GCH1: variants seen among roughly 807,000 people sequenced by gnomAD.
The protein encoded by GCH1 is GTP cyclohydrolase 1, also known as GTP cyclohydrolase I.
In GCH1, 5 loss-of-function variants were observed where a neutral mutation model predicts 25.9. The observed-to-expected ratio is 0.19, with a 90% CI of 0.10 to 0.41. The LOEUF (loss-of-function observed/expected upper bound fraction) is 0.41, where lower values mean the gene tolerates loss of function less well. Ranked by LOEUF, GCH1 falls within the 10% of genes least tolerant of loss-of-function variation. The pLI is 1.00. For missense variants in GCH1, 261 were observed against 336.5 expected (o/e 0.78, Z 1.75); for synonymous variants, 159 against 129.6 (o/e 1.23, Z -1.54).
In GCH1 at chr14:54,902,693, A is replaced by G; in HGVS notation, c.-30T>C. 1 of 1,431,868 alleles carries G rather than the reference A, an allele frequency of 7.0e-7. No homozygotes were observed. Among genetic ancestry groups the G allele is most frequent in the South Asian group, 1.4e-5 (1 of 70,064 alleles). 88.7% of individuals were successfully genotyped at this position (1,431,868 alleles called of 1,614,324 possible). A position where few individuals can be genotyped will look rare whatever the true frequency, so the allele number is the denominator to read the frequency against. ...CCGCCGCAGCCGCTGCCGTTCGGGA[A>G]GGACCCCGGGGCGCTTCGAGGTCTG... is the stretch of plus-strand genomic sequence containing the variant. On this transcript the variant is annotated 5_prime_UTR_variant, in exon 1 of 6. Coordinates refer to ENST00000491895, the MANE Select transcript of GCH1 (RefSeq NM_000161.3).
chr14:54,867,052 C>T lies in GCH1; in HGVS notation c.344-1616G>A, dbSNP rs139907320. ...TTTCCAAAAGTTTCTTGGATTTCTC[C>T]CCAAGATTTTAATATGGTATGATTG... On this transcript the variant is annotated intron_variant, in intron 1 of 5. Transcript: ENST00000491895. 6.6e-4 allele frequency among the ~76,000 whole-genome samples: 101 copies of T among 152,212 alleles called. 1 individual carries two copies. Among genetic ancestry groups the T allele is most frequent in the African/African-American group, 2.3e-3 (97 of 41,514 alleles).
In GCH1 at chr14:54,843,976, G is replaced by A; in HGVS notation, c.*41C>T. On this transcript the variant is annotated 3_prime_UTR_variant, in exon 6 of 6. Transcript: ENST00000491895. ...ACCGGACAGACAGACAATGCTACTG[G>A]CAGTACGATCGGCAACCAACGCACA... is the stretch of plus-strand genomic sequence containing the variant. 1 of 1,614,070 alleles carries A rather than the reference G, an allele frequency of 6.2e-7. No homozygotes were observed. Among genetic ancestry groups the A allele is most frequent in the Non-Finnish European group, 8.5e-7 (1 of 1,179,976 alleles).
rs764569623 is a variant in GCH1, at chr14:54,843,007, G to A, written c.*1010C>T. ...CAGCTCATAATGTCTTCCACCGTCA[G>A]TTCATTCTGTGCTCGTTCAGGTGCG... On this transcript the variant is annotated 3_prime_UTR_variant, in exon 6 of 6. Transcript: ENST00000491895. 68 of 807,740 alleles carry A rather than the reference G, an allele frequency of 8.4e-5. No individual in the cohort carries two copies. Among genetic ancestry groups the A allele is most frequent in the South Asian group, 4.5e-4 (33 of 73,106 alleles). 50.0% of individuals were successfully genotyped at this position (807,740 alleles called of 1,614,324 possible).
rs373836701 is a variant in GCH1, at chr14:54,896,640, C to T, written c.343+5681G>A. ...TACATAGAAGTTTCTCGGCCGGGAG[C>T]GGTGGCTCACGCCTGTAATCCCAGC... is the stretch of plus-strand genomic sequence containing the variant. On this transcript the variant is annotated intron_variant, in intron 1 of 5. Transcript: ENST00000491895. 1.4e-3 allele frequency among the ~76,000 whole-genome samples: 206 copies of T among 152,032 alleles called. 1 individual carries two copies. The highest frequency in any genetic ancestry group is 4.3e-3 in the African/African-American group (180 of 41,454).
chr14:54,843,901 A>G lies in GCH1; in HGVS notation c.*116T>C, dbSNP rs368734297. 45 of 1,608,606 alleles carry G rather than the reference A, an allele frequency of 2.8e-5. No individual in the cohort carries two copies. In the Middle Eastern group the frequency reaches 5.5e-4, roughly 20 times the overall value. On this transcript the variant is annotated 3_prime_UTR_variant, in exon 6 of 6. Coordinates refer to ENST00000491895, the MANE Select transcript of GCH1 (RefSeq NM_000161.3). ...ATAATTTTAAATATAATTAGTGACA[A>G]GGAATAAAGTTCACATCTGTAACAA...
At chr14:54,871,268 C>A (rs1209366794) in intron 1 of GCH1, among the ~76,000 whole-genome samples, 1 of 152,236 alleles carries the variant, frequency 6.6e-6, no homozygotes, top group Non-Finnish European at 1.5e-5. Context: ...CAAACTCCAA[C>A]AGACCGGCAG....
chr14:54,886,560 C>T (rs527824056), intron 1 of GCH1, among the ~76,000 whole-genome samples: 1 of 152,126 alleles, frequency 6.6e-6, no homozygotes, highest in African/African-American at 2.4e-5. Context: ...TGCAGTGAGC[C>T]GAGATCGCGC....
chr14:54,847,459 A>G (rs1348279172), intron 3 of GCH1, among the ~76,000 whole-genome samples: 1 of 152,228 alleles, frequency 6.6e-6, no homozygotes, highest in East Asian at 1.9e-4. Context: ...GCGAATACAA[A>G]GCAGGCAGAA....
chr14:54,862,106 G>A (rs2039905386), intron 2 of GCH1, among the ~76,000 whole-genome samples: 1 of 152,078 alleles, frequency 6.6e-6, no homozygotes, highest in Non-Finnish European at 1.5e-5. Context: ...ATAGTTCACT[G>A]TAACCTGAAA....
In GCH1 at chr14:54,902,750, G is replaced by A. The variant is rs2040590021; in HGVS notation, c.-87C>T. On this transcript the variant is annotated 5_prime_UTR_variant, in exon 1 of 6. Coordinates refer to ENST00000491895, the MANE Select transcript of GCH1 (RefSeq NM_000161.3). ...AACTCCGCCGGTGGCCGCGGACAAT[G>A]GGCTGTGGCCGGAGTCACCTGAGGA... 7.3e-7 allele frequency: 1 copy of A among 1,372,344 alleles called. No homozygotes were observed. The highest frequency in any genetic ancestry group is 3.4e-5 in the Admixed American group (1 of 29,620). The allele number at this position is 1,372,344 out of a possible 1,614,324, so 85.0% of individuals were successfully genotyped here. A position where few individuals can be genotyped will look rare whatever the true frequency, so the allele number is the denominator to read the frequency against.
intron 3 of GCH1, among the ~76,000 whole-genome samples, chr14:54,847,638 T>G (rs1566660523): frequency 6.6e-6 from 1 of 151,482 alleles, no homozygotes. Context: ...CCTGCGATCA[T>G]GTAAGTCAAT....
In GCH1 at chr14:54,847,114, T is replaced by C; in HGVS notation, c.526A>G (p.Ser176Gly). 1 of 986,562 alleles carries C rather than the reference T, an allele frequency of 1.0e-6. No homozygotes were observed. Among genetic ancestry groups the C allele is most frequent in the Non-Finnish European group, 1.6e-6 (1 of 630,572 alleles). The allele number at this position is 986,562 out of a possible 1,614,324, so 61.1% of individuals were successfully genotyped here. ...TAAAGCTTACCTTGTAGTCTTCTAC[T>C]ATAGATTTCTACAATCCTAGAAAAG... ...SKLARIVEIY[S>G]RRLQVQERLT... Residue 176 changes from serine to glycine, a missense_variant, in exon 4 of 6, where the codon AGT becomes GGT. Physicochemically the swap from Ser to Gly is moderately conservative, Grantham distance 56. Around this residue, in one of 3 missense-constraint regions of GCH1, gnomAD observed 130 missense variants for 184.1 expected, o/e 0.71. Transcript: ENST00000491895.
rs376668776 is a variant in GCH1, at chr14:54,843,031, C to T, written c.*986G>A. On this transcript the variant is annotated 3_prime_UTR_variant, in exon 6 of 6. Transcript: ENST00000491895. The stretch of plus-strand genomic sequence containing the variant: ...AGTTCATTCTGTGCTCGTTCAGGTG[C>T]GTGGAAGCTATGGTTCTGCAGACCT... 3.4e-6 allele frequency: 3 copies of T among 874,676 alleles called. No individual in the cohort carries two copies. Among genetic ancestry groups the T allele is most frequent in the Admixed American group, 1.7e-5 (1 of 58,862 alleles). The allele number at this position is 874,676 out of a possible 1,614,324, so 54.2% of individuals were successfully genotyped here.
At chr14:54,867,076 T>G (rs1015892248) in intron 1 of GCH1, among the ~76,000 whole-genome samples, 6 of 152,228 alleles carry the variant, frequency 3.9e-5, no homozygotes, top group Admixed American at 3.3e-4. Flanking sequence ...ATGGTATGAT[T>G]GCCACATATA....
At chr14:54,845,357 G>A (rs1269462559) in intron 5 of GCH1, among the ~76,000 whole-genome samples, 1 of 141,694 alleles carries the variant, frequency 7.1e-6, no homozygotes, top group African/African-American at 2.6e-5. Context: ...ACACACCTGT[G>A]GTCCCAGCTA....
Position 54,846,890 on chromosome 14 carries a change from G to A in GCH1, c.541+209C>T, listed in dbSNP as rs141450283. 6.2e-3 allele frequency among the ~76,000 whole-genome samples: 941 copies of A among 152,148 alleles called. 10 individuals are homozygous for A. The highest frequency in any genetic ancestry group is 0.021 in the African/African-American group (886 of 41,494). On this transcript the variant is annotated intron_variant, in intron 4 of 5. Transcript: ENST00000491895. The stretch of plus-strand genomic sequence containing the variant: ...AGCCTGATCAATATGGTGAAACCCC[G>A]TCTCTACTAGAAATACAAAAATTAG...
At chr14:54,874,314 A>T (rs2040126049) in intron 1 of GCH1, among the ~76,000 whole-genome samples, 1 of 152,242 alleles carries the variant, frequency 6.6e-6, no homozygotes, top group Non-Finnish European at 1.5e-5. Context: ...AAAAACTCTC[A>T]ATAAATTAGG....
At chr14:54,900,900 C>T (rs1595029583) in intron 1 of GCH1, among the ~76,000 whole-genome samples, 1 of 148,444 alleles carries the variant, frequency 6.7e-6, no homozygotes, top group Non-Finnish European at 1.5e-5. Flanking sequence ...AATTTAAAGC[C>T]CTAGACCTCC....
Position 54,886,567 on chromosome 14 carries a change from G to A in GCH1, c.343+15754C>T, listed in dbSNP as rs566563079. 7.9e-5 allele frequency among the ~76,000 whole-genome samples: 12 copies of A among 152,258 alleles called. No homozygotes were observed. In the East Asian group the frequency reaches 1.5e-3, roughly 20 times the overall value. On this transcript the variant is annotated intron_variant, in intron 1 of 5. Coordinates refer to ENST00000491895, the MANE Select transcript of GCH1 (RefSeq NM_000161.3). Reference sequence around the variant, plus strand: ...GCGGAGCTTGCAGTGAGCCGAGATCGCGCCACTGCACTCTAGCCTGGGTGA... The same window carrying A: ...GCGGAGCTTGCAGTGAGCCGAGATCACGCCACTGCACTCTAGCCTGGGTGA...
Sources: allele counts gnomAD v4.1 joint callset (sites outside exome capture counted in the v4.1 genomes callset), GRCh38; gene constraint gnomAD v4.1.1; regional missense constraint gnomAD v4.1.1; transcripts MANE v1.5; gene names NCBI Gene and HGNC (gene_info 2026-07-23, HGNC 2026-07-21).